The following PPME1 variants were observed in gnomAD, a reference collection of about 807,000 sequenced individuals.
The protein encoded by PPME1 is testicular secretory protein Li 39.
Under a neutral mutation model 56.9 loss-of-function variants are expected in PPME1, and 17 were observed. That is an observed-to-expected ratio of 0.30 (90% CI 0.20 to 0.45). PPME1 has a LOEUF of 0.45. Among genes scored for constraint, PPME1 ranks in the 20% least tolerant of loss-of-function variants. The pLI is 1.00. For synonymous variants in PPME1, 122 were observed against 156.2 expected, an observed-to-expected ratio of 0.78 and a Z score of 1.63; for missense variants, 357 against 483.2, an observed-to-expected ratio of 0.74 and a Z score of 2.45.
At chr11:74,195,947 C>T (rs1725060521) in intron 1 of PPME1, among the ~76,000 whole-genome samples, 1 of 152,082 alleles carries the variant, frequency 6.6e-6, no homozygotes, top group South Asian at 2.1e-4. Flanking sequence ...GACAATTATT[C>T]TGGAAAAAAG....
chr11:74,234,719 A>T lies in PPME1; in HGVS notation c.645-1182A>T, dbSNP rs762140963. ...GGTGACAAAGTAGAGAAAGCAAGAT[A>T]ACTCTTTTGAGGAGCTTTGCTGTAT... On this transcript the variant is annotated intron_variant, in intron 7 of 13. Transcript: ENST00000328257. Among the ~76,000 whole-genome samples the T allele has an allele frequency of 3.3e-5, 5 of 152,226 alleles. No individual in the cohort carries two copies. In the East Asian group the frequency reaches 9.6e-4, roughly 29 times the overall value.
chr11:74,209,255 C>T (rs753931578), intron 3 of PPME1, among the ~76,000 whole-genome samples: 3 of 152,020 alleles, frequency 2.0e-5, no homozygotes, highest in Admixed American at 6.6e-5. Context: ...CACAGGTGCG[C>T]GCTGCCACAC....
At chr11:74,189,351 G>T (rs554628126) in intron 1 of PPME1, among the ~76,000 whole-genome samples, 1 of 152,116 alleles carries the variant, frequency 6.6e-6, no homozygotes, top group Non-Finnish European at 1.5e-5. Flanking sequence ...GTGCAGTGGC[G>T]TGATCATGGC....
At chr11:74,209,699 A>G (rs1858423016) in intron 3 of PPME1, among the ~76,000 whole-genome samples, 1 of 152,204 alleles carries the variant, frequency 6.6e-6, no homozygotes, top group Non-Finnish European at 1.5e-5. Context: ...GGCTATTCTT[A>G]TATTACTCAA....
chr11:74,222,795 G>C (rs1250058478), intron 4 of PPME1: 1 of 163,564 alleles, frequency 6.1e-6, no homozygotes, highest in Non-Finnish European at 1.3e-5. Context: ...AGCTCGATTT[G>C]GGCATTTTGA....
chr11:74,219,334 T>TA lies in PPME1; in HGVS notation c.289-2962dup, dbSNP rs35167391. 6.5e-3 allele frequency among the ~76,000 whole-genome samples: 863 copies of TA among 131,920 alleles called. 2 individuals are homozygous for TA. Among genetic ancestry groups the TA allele is most frequent in the Middle Eastern group, 0.012 (3 of 260 alleles). 86.5% of individuals were successfully genotyped at this position (131,920 alleles called of 152,430 possible). A position where few individuals can be genotyped will look rare whatever the true frequency, so the allele number is the denominator to read the frequency against. ...TATGGAGAACAGTTTGTTGATTCCT[T>TA]AAAAAAAAAAAAAAAACTAAAAATA... is the stretch of plus-strand genomic sequence containing the variant. On this transcript the variant is annotated intron_variant, in intron 3 of 13. Coordinates refer to ENST00000328257, the MANE Select transcript of PPME1 (RefSeq NM_016147.3).
intron 1 of PPME1, among the ~76,000 whole-genome samples, chr11:74,176,206 C>T (rs1241239142): frequency 6.6e-6 from 1 of 152,166 alleles, no homozygotes; most frequent in Non-Finnish European, 1.5e-5. Flanking sequence ...GGAAGCTCTC[C>T]TTTCAGTTTC....
intron 11 of PPME1, chr11:74,248,830 G>A (rs1406835288): frequency 1.3e-5 from 2 of 152,348 alleles, no homozygotes; most frequent in Middle Eastern, 3.4e-3. Flanking sequence ...CTGCCTGAAG[G>A]CAGTTGACAT....
intron 8 of PPME1, among the ~76,000 whole-genome samples, 178 bp downstream of exon 8, chr11:74,236,144 C>CT (rs1429059159): frequency 2.6e-5 from 4 of 152,178 alleles, no homozygotes; most frequent in African/African-American, 9.7e-5. Context: ...GCCTGCCTTC[C>CT]TTTCTCTCCT....
chr11:74,231,059 C>CTTAT lies in PPME1; in HGVS notation c.644+69_644+72dup, dbSNP rs566820737. 16 of 1,415,380 alleles carry CTTAT rather than the reference C, an allele frequency of 1.1e-5. No individual in the cohort carries two copies. The South Asian group carries it at 1.4e-4, about 12-fold the overall frequency. 87.7% of individuals were successfully genotyped at this position (1,415,380 alleles called of 1,614,324 possible). A position where few individuals can be genotyped will look rare whatever the true frequency, so the allele number is the denominator to read the frequency against. On this transcript the variant is annotated intron_variant, in intron 7 of 13. Transcript: ENST00000328257. ...ATTAATTTGTTTGTTTGTTTGCTTG[C>CTTAT]TTATTTATTTATTTAGGAGACAAGG... is the stretch of plus-strand genomic sequence containing the variant.
rs1857206466 is a variant in PPME1 at position 74,171,291 on chromosome 11, T to C, written c.-131T>C. The C allele has an allele frequency of 2.0e-6, 3 of 1,505,142 alleles. No homozygotes were observed. The highest frequency in any genetic ancestry group is 2.7e-6 in the Non-Finnish European group (3 of 1,126,566). The allele number at this position is 1,505,142 out of a possible 1,614,324, so 93.2% of individuals were successfully genotyped here. ...GGAGCCGGTGGGCGGTAGGCGGTGC[T>C]ACGGGTAGCTGGGTGCTGTCCAAAG... On this transcript the variant is annotated 5_prime_UTR_variant, in exon 1 of 14. Transcript: ENST00000328257.
At chr11:74,211,767 C>T (rs1341175512) in intron 3 of PPME1, among the ~76,000 whole-genome samples, 3 of 151,694 alleles carry the variant, frequency 2.0e-5, no homozygotes, top group Admixed American at 6.6e-5. Flanking sequence ...AACTACAAAG[C>T]GGTAAGAAGA....
At chr11:74,207,621 A>G (rs1028974079) in intron 3 of PPME1, among the ~76,000 whole-genome samples, 1 of 152,344 alleles carries the variant, frequency 6.6e-6, no homozygotes. Flanking sequence ...ACAGTAGTCA[A>G]GTTTATCATA....
At chr11:74,248,104 T>G (rs1859554095) in intron 11 of PPME1, 1 of 152,480 alleles carries the variant, frequency 6.6e-6, no homozygotes, top group African/African-American at 2.4e-5. Flanking sequence ...GTATGTTAGC[T>G]AGATAACAGT....
intron 3 of PPME1, among the ~76,000 whole-genome samples, chr11:74,219,023 C>G (rs1858728407): frequency 6.6e-6 from 1 of 151,882 alleles, no homozygotes; most frequent in African/African-American, 2.4e-5. Context: ...ATAAGGAGCT[C>G]AACAACTCTA....
At chr11:74,248,097 T>C (rs1405305033) in intron 11 of PPME1, 2 of 152,474 alleles carry the variant, frequency 1.3e-5, no homozygotes, top group Non-Finnish European at 2.9e-5. Context: ...GATGCATGTA[T>C]GTTAGCTAGA....
Position 74,235,115 on chromosome 11 carries a change from A to T in PPME1, c.645-786A>T, listed in dbSNP as rs573427300. Among the ~76,000 whole-genome samples the T allele has an allele frequency of 1.1e-4, 16 of 152,316 alleles. No homozygotes were observed. The East Asian group carries it at 3.1e-3, about 29-fold the overall frequency. ...ATTATCTGAGGAGAGGGGCTTTAAA[A>T]TTTTGAATGATTTTTTAAACTAAGA... is the stretch of plus-strand genomic sequence containing the variant. On this transcript the variant is annotated intron_variant, in intron 7 of 13. Coordinates refer to ENST00000328257, the MANE Select transcript of PPME1 (RefSeq NM_016147.3).
chr11:74,251,722 C>T lies in PPME1; in HGVS notation c.1142+7C>T, dbSNP rs1297903277. On this transcript the variant is annotated splice_region_variant and intron_variant, in intron 13 of 13. Coordinates refer to ENST00000328257, the MANE Select transcript of PPME1 (RefSeq NM_016147.3). ...CCATCGGTGGATTCCAGTGGTAAGG[C>T]GGGTACAAGGGTTTAAGAACCCAGC... 1.9e-6 allele frequency: 3 copies of T among 1,613,852 alleles called. No individual in the cohort carries two copies. The highest frequency in any genetic ancestry group is 1.7e-6 in the Non-Finnish European group (2 of 1,179,776).
chr11:74,230,801 G>C lies in PPME1; in HGVS notation c.554-111G>C. ...GAGGGCCATCTTTATTTCTCTGCGA[G>C]CATCACTAAATTCTGCTGTCATCAA... On this transcript the variant is annotated intron_variant, in intron 6 of 13. Coordinates refer to ENST00000328257, the MANE Select transcript of PPME1 (RefSeq NM_016147.3). The surrounding 1 kb of genome is among the most constrained non-coding windows in gnomAD (Gnocchi z 4.9). The C allele has an allele frequency of 1.2e-6, 1 of 845,980 alleles. No individual in the cohort carries two copies. Among genetic ancestry groups the C allele is most frequent in the East Asian group, 2.7e-5 (1 of 37,260 alleles). The allele number at this position is 845,980 out of a possible 1,614,324, so 52.4% of individuals were successfully genotyped here.
Sources: gnomAD v4.1 joint callset for allele counts (sites outside exome capture counted in the v4.1 genomes callset) on GRCh38, gnomAD v4.1.1 for gene constraint, Gnocchi (gnomAD v3.1) non-coding constraint, MANE v1.5 for transcripts, NCBI Gene and HGNC (gene_info 2026-07-23, HGNC 2026-07-21) for gene names.